ST8SIA4: variants seen among roughly 807,000 people sequenced by gnomAD.
ST8SIA4 encodes the protein CMP-N-acetylneuraminate-poly-alpha-2,8-sialyltransferase.
In ST8SIA4, 15 loss-of-function variants were observed where a neutral mutation model predicts 33.9. The ratio of observed to expected loss-of-function variants is 0.44; its 90% CI spans 0.30 to 0.68. ST8SIA4 has a LOEUF of 0.68. Ranked by LOEUF, ST8SIA4 falls within the 30% of genes least tolerant of loss-of-function variation. The pLI is 0.10. For missense variants in ST8SIA4, 321 were observed against 428.0 expected, an observed-to-expected ratio of 0.75 and a Z score of 2.21; for synonymous variants, 171 against 151.2, an observed-to-expected ratio of 1.13 and a Z score of -0.96.
In ST8SIA4 at chr5:100,887,661, A is replaced by T. The variant is rs961580531; in HGVS notation, c.246-1061T>A. 2.0e-5 allele frequency among the ~76,000 whole-genome samples: 3 copies of T among 152,098 alleles called. No individual in the cohort carries two copies. The South Asian group carries it at 6.2e-4, about 31-fold the overall frequency. On this transcript the variant is annotated intron_variant, in intron 2 of 4. Coordinates refer to ENST00000231461, the MANE Select transcript of ST8SIA4 (RefSeq NM_005668.6). ...GGCTGGAAAACTGATGATCCTTGGC[A>T]TGATATAGAGAAGCACCTGATACAG...
chr5:100,839,645 A>G (rs923942808), intron 4 of ST8SIA4, among the ~76,000 whole-genome samples: 1 of 151,986 alleles, frequency 6.6e-6, no homozygotes, highest in Non-Finnish European at 1.5e-5. Context: ...GATAACTTAT[A>G]TAAATAGAAA....
At chr5:100,826,109 G>A (rs1354578843) in intron 4 of ST8SIA4, among the ~76,000 whole-genome samples, 1 of 114,844 alleles carries the variant, frequency 8.7e-6, no homozygotes, top group African/African-American at 3.3e-5. Flanking sequence ...ATGAACTTTT[G>A]GTTGGTTTGG....
At chr5:100,886,702 A>G in intron 2 of ST8SIA4, 102 bp from the exon 3 acceptor site, 1 of 949,974 alleles carries the variant, frequency 1.1e-6, no homozygotes, top group Non-Finnish European at 1.6e-6. Flanking sequence ...AAATTGGCAA[A>G]CTATTAATCT....
intron 4 of ST8SIA4, among the ~76,000 whole-genome samples, chr5:100,837,804 G>GT (rs57229652): frequency 0.28 from 42,531 of 151,714 alleles, 6,208 homozygotes; most frequent in Non-Finnish European, 0.32. Context: ...TTTTGCAACT[G>GT]TTTCAAATTT....
In ST8SIA4 at chr5:100,900,590, C is replaced by CTCCT. The variant is rs60960536; in HGVS notation, c.113+2249_113+2252dup. On this transcript the variant is annotated intron_variant, in intron 1 of 4. Transcript: ENST00000231461. The stretch of plus-strand genomic sequence containing the variant: ...CTCGCATTGTTCCTGGCAGCTCCAA[C>CTCCT]TCCTTGCACAGTCTTGGTCTCTCAG... The CTCCT allele has an allele frequency of 1.7e-3, 749 of 438,622 alleles. 5 individuals carry two copies. The highest frequency in any genetic ancestry group is 0.014 in the African/African-American group (698 of 49,688). The allele number at this position is 438,622 out of a possible 1,614,324, so 27.2% of individuals were successfully genotyped here.
At chr5:100,831,011 A>G (rs1751247315) in intron 4 of ST8SIA4, among the ~76,000 whole-genome samples, 1 of 152,230 alleles carries the variant, frequency 6.6e-6, no homozygotes, top group Non-Finnish European at 1.5e-5. Context: ...AATAAAACCT[A>G]TTACACATAC....
chr5:100,841,365 A>AGGAG (rs1456962157), intron 4 of ST8SIA4, among the ~76,000 whole-genome samples: 1 of 151,910 alleles, frequency 6.6e-6, no homozygotes, highest in Non-Finnish European at 1.5e-5. Context: ...TTGCTGAGGC[A>AGGAG]GGAGGATAGG....
At chr5:100,817,627 C>A (rs1362909605) in intron 4 of ST8SIA4, among the ~76,000 whole-genome samples, 2 of 152,120 alleles carry the variant, frequency 1.3e-5, no homozygotes, top group Non-Finnish European at 2.9e-5. Context: ...CAAGTTAATT[C>A]TGTTTTGAAA....
At chr5:100,822,012 G>T (rs1030837730) in intron 4 of ST8SIA4, among the ~76,000 whole-genome samples, 2 of 152,178 alleles carry the variant, frequency 1.3e-5, no homozygotes, top group Non-Finnish European at 2.9e-5. Context: ...TGACAAGGTG[G>T]CAGGCTTTGG....
intron 4 of ST8SIA4, among the ~76,000 whole-genome samples, chr5:100,843,433 G>A (rs1056813967): frequency 1.8e-4 from 28 of 151,854 alleles, no homozygotes; most frequent in African/African-American, 5.1e-4. Context: ...ATGGTCACTG[G>A]AAGATGGTTT....
intron 4 of ST8SIA4, among the ~76,000 whole-genome samples, chr5:100,815,410 A>ATCCT (rs1343185268): frequency 2.0e-5 from 3 of 150,728 alleles, no homozygotes; most frequent in Admixed American, 6.6e-5. Flanking sequence ...ATTTCCTTTC[A>ATCCT]TCCTTCCTTT....
chr5:100,878,415 G>T (rs1264908730), intron 3 of ST8SIA4, among the ~76,000 whole-genome samples: 2 of 152,050 alleles, frequency 1.3e-5, no homozygotes, highest in Admixed American at 6.6e-5. Flanking sequence ...GACCTCAGGT[G>T]ATCCAACTGC....
intron 4 of ST8SIA4, among the ~76,000 whole-genome samples, chr5:100,837,511 C>T (rs920832478): frequency 1.3e-5 from 2 of 151,866 alleles, no homozygotes; most frequent in Non-Finnish European, 2.9e-5. Context: ...TTTTCTTCAC[C>T]CAATTTACAC....
chr5:100,880,457 T>C (rs1475141263), intron 3 of ST8SIA4, among the ~76,000 whole-genome samples: 2 of 152,082 alleles, frequency 1.3e-5, no homozygotes, highest in Non-Finnish European at 2.9e-5. Flanking sequence ...AAACCACCCA[T>C]AGGTATGTGG....
chr5:100,814,324 T>C (rs961936159), intron 4 of ST8SIA4, among the ~76,000 whole-genome samples: 5 of 152,000 alleles, frequency 3.3e-5, no homozygotes, highest in Admixed American at 1.3e-4. Flanking sequence ...TAAAAACTTT[T>C]TGTGGTCTTG....
intron 4 of ST8SIA4, among the ~76,000 whole-genome samples, chr5:100,850,954 CTTTTT>C (rs70987828): frequency 1.3e-5 from 1 of 75,114 alleles, no homozygotes; most frequent in African/African-American, 5.1e-5. Flanking sequence ...TGTAACCATA[CTTTTT>C]TTTTTTTTTT....
intron 4 of ST8SIA4, among the ~76,000 whole-genome samples, chr5:100,829,571 G>A (rs1429902146): frequency 6.6e-6 from 1 of 152,134 alleles, no homozygotes; most frequent in African/African-American, 2.4e-5. Flanking sequence ...AGTACTTGTT[G>A]TGTATAACCT....
intron 3 of ST8SIA4, among the ~76,000 whole-genome samples, chr5:100,859,764 A>G (rs1423364778): frequency 2.0e-5 from 3 of 152,104 alleles, no homozygotes; most frequent in Non-Finnish European, 2.9e-5. Flanking sequence ...TTCATGTGTG[A>G]GCACCTCAAG....
At chr5:100,853,249 G>A (rs7447673) in intron 4 of ST8SIA4, among the ~76,000 whole-genome samples, 1 of 151,922 alleles carries the variant, frequency 6.6e-6, no homozygotes, top group African/African-American at 2.4e-5. Flanking sequence ...ACACACATTA[G>A]GTCAAAACGC....
Sources: gnomAD v4.1 joint callset for allele counts (sites outside exome capture counted in the v4.1 genomes callset) on GRCh38, gnomAD v4.1.1 for gene constraint, MANE v1.5 for transcripts, NCBI Gene and HGNC (gene_info 2026-07-23, HGNC 2026-07-21) for gene names.